MAP6: variants seen among roughly 807,000 people sequenced by gnomAD.
MAP6 encodes the protein microtubule-associated protein 6.
MAP6 carries 26 observed loss-of-function variants against 42.4 expected under a neutral mutation model. That is an observed-to-expected ratio of 0.61 (90% CI 0.45 to 0.85). The LOEUF is 0.85. MAP6 is among the 40% of genes least tolerant of loss of function. The pLI is 0.00. For synonymous variants in MAP6, 418 were observed against 443.8 expected (o/e 0.94, Z 0.73); for missense variants, 966 against 1,099.0 (o/e 0.88, Z 1.71).
intron 1 of MAP6, among the ~76,000 whole-genome samples, chr11:75,614,024 T>C (rs1377770186): frequency 2.0e-5 from 3 of 152,212 alleles, no homozygotes; most frequent in Admixed American, 2.0e-4. Context: ...ACAAACACTC[T>C]ACCTTCAACT....
rs1943960173 is a variant in MAP6, at chr11:75,667,084, C to A, written c.905+381G>T. ...AATTCTTCTTCTGGAAGAATGGGGA[C>A]CCTGCAAAGGGCAACATCCAGGCTA... On this transcript the variant is annotated intron_variant, in intron 1 of 3. Transcript: ENST00000304771. The surrounding 1 kb of genome is among the most constrained non-coding windows in gnomAD (Gnocchi z 5.6). Among the ~76,000 whole-genome samples, 1 of 152,044 alleles carries A rather than the reference C, an allele frequency of 6.6e-6. No individual in the cohort carries two copies. The highest frequency in any genetic ancestry group is 1.5e-5 in the Non-Finnish European group (1 of 67,998).
At chr11:75,609,358 G>A (rs1345822639) in intron 1 of MAP6, among the ~76,000 whole-genome samples, 1 of 152,174 alleles carries the variant, frequency 6.6e-6, no homozygotes, top group Non-Finnish European at 1.5e-5. Context: ...GGGAAAGGAG[G>A]AGTTAGGGCA....
At position 75,667,693 on chromosome 11, in the gene MAP6, G is replaced by T. The variant is rs1443406645; in HGVS notation, c.677C>A (p.Ala226Glu). The part of the protein sequence containing the change: ...EAAPGGAGGL[A>E]AGKASGADER... Reference sequence around the variant, plus strand: ...GTCCGCCCCGGACGCCTTTCCGGCCGCCAGGCCACCCGCTCCGCCGGGGGC... The same window carrying T: ...GTCCGCCCCGGACGCCTTTCCGGCCTCCAGGCCACCCGCTCCGCCGGGGGC... Residue 226 changes from alanine to glutamate, a missense_variant, in exon 1 of 4, where the codon GCG becomes GAG. By Grantham distance (107) the Ala-to-Glu change is moderately radical (BLOSUM62 -1). Around this residue, in one of 2 missense-constraint regions of MAP6, gnomAD observed 943 missense variants for 1,049.9 expected, o/e 0.90. Coordinates refer to ENST00000304771, the MANE Select transcript of MAP6 (RefSeq NM_033063.2). The surrounding 1 kb of genome is among the most constrained non-coding windows in gnomAD (Gnocchi z 5.6). The T allele has an allele frequency of 3.1e-6, 4 of 1,277,390 alleles. No individual in the cohort carries two copies. The highest frequency in any genetic ancestry group is 2.7e-5 in the South Asian group (1 of 36,810). The allele number at this position is 1,277,390 out of a possible 1,614,324, so 79.1% of individuals were successfully genotyped here.
chr11:75,625,844 A>T (rs1164006411), intron 1 of MAP6, among the ~76,000 whole-genome samples: 3 of 151,990 alleles, frequency 2.0e-5, no homozygotes, highest in African/African-American at 4.8e-5. Flanking sequence ...TGATTAAAAG[A>T]CCTCTGTTAA....
chr11:75,653,705 T>C (rs1324852773), intron 1 of MAP6, among the ~76,000 whole-genome samples: 1 of 152,240 alleles, frequency 6.6e-6, no homozygotes, highest in Admixed American at 6.5e-5. Context: ...AAATAATTCA[T>C]ATTTGCACAG....
intron 1 of MAP6, among the ~76,000 whole-genome samples, chr11:75,659,497 G>A (rs1012162522): frequency 3.3e-5 from 5 of 152,218 alleles, no homozygotes; most frequent in African/African-American, 1.2e-4. Context: ...TAACAGGGAA[G>A]TAACAGCATG....
chr11:75,599,446 T>G (rs923294174), intron 3 of MAP6, among the ~76,000 whole-genome samples: 2 of 152,234 alleles, frequency 1.3e-5, no homozygotes, highest in South Asian at 4.1e-4. Flanking sequence ...TGCTGGACAA[T>G]TCTGCATTTA....
At chr11:75,625,169 A>T (rs1943175430) in intron 1 of MAP6, among the ~76,000 whole-genome samples, 1 of 152,152 alleles carries the variant, frequency 6.6e-6, no homozygotes, top group Admixed American at 6.5e-5. Context: ...CCCAGCATTC[A>T]TAAGAAGATC....
At chr11:75,593,425 A>G (rs1455659688) in intron 3 of MAP6, among the ~76,000 whole-genome samples, 2 of 152,178 alleles carry the variant, frequency 1.3e-5, no homozygotes, top group East Asian at 3.9e-4. Flanking sequence ...GTGCACACAC[A>G]CTGACATTGG....
intron 1 of MAP6, among the ~76,000 whole-genome samples, chr11:75,655,930 A>AG (rs1943741250): frequency 1.3e-5 from 2 of 152,238 alleles, no homozygotes; most frequent in African/African-American, 2.4e-5. Flanking sequence ...TTAAAGATAG[A>AG]GATGTTTACC....
At chr11:75,646,573 G>A (rs1943557263) in intron 1 of MAP6, among the ~76,000 whole-genome samples, 1 of 151,524 alleles carries the variant, frequency 6.6e-6, no homozygotes. Context: ...GGGAGGCCGA[G>A]GTGGGCGGAT....
intron 3 of MAP6, chr11:75,604,377 G>A (rs1942719329): frequency 1.0e-6 from 1 of 985,424 alleles, no homozygotes. Flanking sequence ...GGACTTTGAG[G>A]TAAGGAACTG....
chr11:75,650,080 C>T (rs12284952), intron 1 of MAP6, among the ~76,000 whole-genome samples: 5,738 of 152,204 alleles, frequency 0.038, 355 homozygotes, highest in African/African-American at 0.13. Flanking sequence ...TCAGATCCGT[C>T]GTGCTCCTTC....
At chr11:75,659,817 T>C (rs1346761610) in intron 1 of MAP6, among the ~76,000 whole-genome samples, 1 of 152,238 alleles carries the variant, frequency 6.6e-6, no homozygotes, top group Non-Finnish European at 1.5e-5. Context: ...ATTTGGGACA[T>C]TGAATGATTC....
At chr11:75,639,443 A>G (rs553232040) in intron 1 of MAP6, among the ~76,000 whole-genome samples, 1 of 152,366 alleles carries the variant, frequency 6.6e-6, no homozygotes, top group South Asian at 2.1e-4. Flanking sequence ...AACTGGTGAA[A>G]TGAGTAAAAC....
intron 1 of MAP6, among the ~76,000 whole-genome samples, chr11:75,611,639 T>G (rs1324610429): frequency 6.6e-6 from 1 of 152,160 alleles, no homozygotes; most frequent in African/African-American, 2.4e-5. Context: ...AAATAAAAAA[T>G]AAAAGAAAAA....
At chr11:75,658,671 A>C (rs752835086) in intron 1 of MAP6, among the ~76,000 whole-genome samples, 2 of 152,194 alleles carry the variant, frequency 1.3e-5, no homozygotes, top group Non-Finnish European at 1.5e-5. Context: ...CCTGTTGCTT[A>C]TAAGACAAAG....
chr11:75,605,686 C>T, intron 3 of MAP6, 122 bp downstream of exon 3: 2 of 1,497,270 alleles, frequency 1.3e-6, no homozygotes, highest in Non-Finnish European at 1.8e-6. Flanking sequence ...ACACTCAGGA[C>T]CAAGGCAGAT....
intron 1 of MAP6, among the ~76,000 whole-genome samples, chr11:75,626,749 T>C (rs1007975737): frequency 2.6e-5 from 4 of 152,174 alleles, no homozygotes; most frequent in East Asian, 1.9e-4. Flanking sequence ...GTTTTATGGA[T>C]GAGGAAACTA....
Sources: allele counts gnomAD v4.1 joint callset (sites outside exome capture counted in the v4.1 genomes callset), GRCh38; gene constraint gnomAD v4.1.1; regional missense constraint gnomAD v4.1.1; non-coding constraint Gnocchi (gnomAD v3.1); transcripts MANE v1.5; gene names NCBI Gene and HGNC (gene_info 2026-07-23, HGNC 2026-07-21).